Variants in RPAP2 observed in about 807,000 individuals in gnomAD.
The protein encoded by RPAP2 is putative RNA polymerase II subunit B1 CTD phosphatase RPAP2.
RPAP2 carries 52 observed loss-of-function variants against 73.1 expected under a neutral mutation model. That is an observed-to-expected ratio of 0.71 (90% confidence interval 0.57 to 0.90). The LOEUF is 0.90. Among genes scored for constraint, RPAP2 ranks in the 40% least tolerant of loss-of-function variants. The probability of loss-of-function intolerance (pLI) is 0.00; values close to 1 mark genes in which losing one functional copy is unlikely to be tolerated. For synonymous variants in RPAP2, 225 were observed against 242.1 expected, an observed-to-expected ratio of 0.93 and a Z score of 0.65; for missense variants, 598 against 701.8, an observed-to-expected ratio of 0.85 and a Z score of 1.67.
At position 92,323,585 on chromosome 1, in the gene RPAP2, A is replaced by T. The variant is rs1450668215; in HGVS notation, c.665A>T (p.Asp222Val). ...GATAGTAGCAGTGACAATGAGCAAG[A>T]CTTTGTTTCCTCCATTCTACCAGGA... ...HSDSSSDNEQ[D>V]FVSSILPGNR... Residue 222 changes from aspartate to valine, a missense_variant, in exon 8 of 13, where the codon GAC becomes GTC. Transcript: ENST00000610020. The T allele has an allele frequency of 1.2e-6, 2 of 1,614,096 alleles. No individual in the cohort carries two copies. The highest frequency in any genetic ancestry group is 1.7e-6 in the Non-Finnish European group (2 of 1,180,000).
Position 92,394,023 on chromosome 1 carries a change from AC to A in RPAP2, c.*7013del, listed in dbSNP as rs1330643238. ...ATCATTCTACAATAAAGACACATGC[AC>A]ACGTATGTTTATTGCTGCACTATTC... On this transcript the variant is annotated 3_prime_UTR_variant, in exon 13 of 13. Transcript: ENST00000610020. 6.6e-6 allele frequency: 1 copy of A among 152,224 alleles called. No homozygotes were observed. The highest frequency in any genetic ancestry group is 2.4e-5 in the African/African-American group (1 of 41,454). 9.4% of individuals were successfully genotyped at this position (152,224 alleles called of 1,614,324 possible).
intron 11 of RPAP2, among the ~76,000 whole-genome samples, chr1:92,360,409 C>T (rs1356565815): frequency 1.3e-5 from 2 of 152,082 alleles, no homozygotes; most frequent in African/African-American, 2.4e-5. Context: ...GAGCAAATGC[C>T]GACTACTCTT....
At chr1:92,310,191 A>G (rs1651509837) in intron 6 of RPAP2, among the ~76,000 whole-genome samples, 2 of 152,174 alleles carry the variant, frequency 1.3e-5, no homozygotes, top group Non-Finnish European at 2.9e-5. Context: ...GTATAACCAT[A>G]TCAGTATCTT....
Position 92,387,932 on chromosome 1 carries a change from C to T in RPAP2, c.*921C>T, listed in dbSNP as rs1655924028. On this transcript the variant is annotated 3_prime_UTR_variant, in exon 13 of 13. Transcript: ENST00000610020. ...TCTCTATGGGAAAGGACTGCAAAAA[C>T]TAAATTTTATCTCTGTATGGGCAAA... 1 of 152,148 alleles carries T rather than the reference C, an allele frequency of 6.6e-6. No homozygotes were observed. The highest frequency in any genetic ancestry group is 1.5e-5 in the Non-Finnish European group (1 of 68,024). The allele number at this position is 152,148 out of a possible 1,614,324, so 9.4% of individuals were successfully genotyped here.
intron 6 of RPAP2, among the ~76,000 whole-genome samples, chr1:92,309,275 C>G (rs569434139): frequency 9.2e-5 from 14 of 152,122 alleles, no homozygotes; most frequent in African/African-American, 3.4e-4. Flanking sequence ...AACCCTGTCT[C>G]TACTAAAAAT....
At chr1:92,301,993 A>G (rs191169360) in intron 3 of RPAP2, among the ~76,000 whole-genome samples, 2 of 152,220 alleles carry the variant, frequency 1.3e-5, no homozygotes, top group Admixed American at 1.3e-4. Flanking sequence ...GTCAATTAAA[A>G]AGCAAAAGAG....
chr1:92,381,425 A>G (rs1655623354), intron 12 of RPAP2, among the ~76,000 whole-genome samples: 1 of 152,150 alleles, frequency 6.6e-6, no homozygotes. Flanking sequence ...ACTGCCCATC[A>G]GAATATTCCC....
chr1:92,307,135 G>T, intron 5 of RPAP2, 53 bp from the exon 6 acceptor site: 1 of 1,191,272 alleles, frequency 8.4e-7, no homozygotes. Flanking sequence ...TCAACTGTAT[G>T]TAGGTAATGT....
intron 6 of RPAP2, among the ~76,000 whole-genome samples, chr1:92,317,749 A>T (rs1161180319): frequency 6.6e-6 from 1 of 152,174 alleles, no homozygotes; most frequent in Non-Finnish European, 1.5e-5. Flanking sequence ...TGCCTACCTT[A>T]TGCTTTTTCC....
chr1:92,336,892 T>C (rs1455894529), intron 10 of RPAP2, among the ~76,000 whole-genome samples: 3 of 152,060 alleles, frequency 2.0e-5, no homozygotes, highest in Non-Finnish European at 4.4e-5. Flanking sequence ...CAGAACAGAC[T>C]TAAAGTGCTA....
chr1:92,382,138 A>G (rs1234365073), intron 12 of RPAP2, among the ~76,000 whole-genome samples: 1 of 151,896 alleles, frequency 6.6e-6, no homozygotes, highest in Non-Finnish European at 1.5e-5. Flanking sequence ...CATGGTGTAT[A>G]TGTGCCACAT....
intron 6 of RPAP2, among the ~76,000 whole-genome samples, chr1:92,312,411 C>T (rs1651643670): frequency 1.2e-5 from 1 of 83,032 alleles, no homozygotes; most frequent in African/African-American, 4.5e-5. Context: ...AGAGCAAGAC[C>T]GTGTCTCAAA....
intron 5 of RPAP2, 103 bp from the exon 6 acceptor site, chr1:92,307,085 C>T: frequency 1.3e-6 from 1 of 782,350 alleles, no homozygotes; most frequent in Non-Finnish European, 2.0e-6. Context: ...CTGTAGGTTT[C>T]CATTTTATTC....
intron 12 of RPAP2, among the ~76,000 whole-genome samples, chr1:92,383,336 T>C (rs1655728256): frequency 6.6e-6 from 1 of 152,332 alleles, no homozygotes; most frequent in East Asian, 1.9e-4. Context: ...GGGGATGGCA[T>C]TGAATCTATA....
At chr1:92,333,582 A>C (rs1653101254) in intron 9 of RPAP2, 109 bp downstream of exon 9, 2 of 781,976 alleles carry the variant, frequency 2.6e-6, no homozygotes, top group Non-Finnish European at 4.2e-6. Flanking sequence ...TTGAAAAATA[A>C]TGTGAAAAGT....
intron 7 of RPAP2, among the ~76,000 whole-genome samples, chr1:92,322,799 C>A (rs145793080): frequency 0.048 from 7,289 of 151,556 alleles, 604 homozygotes; most frequent in African/African-American, 0.17. Flanking sequence ...ATCGCTTGAA[C>A]CTAGGGGGCA....
intron 11 of RPAP2, among the ~76,000 whole-genome samples, chr1:92,370,840 A>AAAAT (rs1655116963): frequency 6.6e-6 from 1 of 152,216 alleles, no homozygotes; most frequent in African/African-American, 2.4e-5. Context: ...TTACCTAAAA[A>AAAAT]AAATAAAAAT....
At chr1:92,310,713 A>G (rs1302988472) in intron 6 of RPAP2, among the ~76,000 whole-genome samples, 1 of 152,196 alleles carries the variant, frequency 6.6e-6, no homozygotes, top group African/African-American at 2.4e-5. Flanking sequence ...CCTGGCCAAC[A>G]TGACAAAACC....
At chr1:92,329,990 T>C (rs533929636) in intron 8 of RPAP2, among the ~76,000 whole-genome samples, 10 of 152,308 alleles carry the variant, frequency 6.6e-5, no homozygotes, top group South Asian at 4.1e-4. Flanking sequence ...TAATCATAGT[T>C]TGAGAGCCCT....
Sources: gnomAD v4.1 joint callset for allele counts (sites outside exome capture counted in the v4.1 genomes callset) on GRCh38, gnomAD v4.1.1 for gene constraint, MANE v1.5 for transcripts, NCBI Gene and HGNC (gene_info 2026-07-23, HGNC 2026-07-21) for gene names.